The following SGCG variants were observed in gnomAD, a reference collection of about 807,000 sequenced individuals.
SGCG encodes sarcoglycan gamma.
Under a neutral mutation model 29.3 loss-of-function variants are expected in SGCG, and 26 were observed. The observed-to-expected ratio is 0.89, with a 90% CI of 0.65 to 1.23. The LOEUF is 1.23. Among genes scored for constraint, SGCG ranks in the 50% most tolerant of loss-of-function variants. The pLI is 0.00. For synonymous variants in SGCG, 145 were observed against 129.7 expected (o/e 1.12, Z -0.80); for missense variants, 353 against 356.0 (o/e 0.99, Z 0.07).
intron 2 of SGCG, chr13:23,217,322 C>T (rs1345628635): frequency 6.6e-6 from 1 of 151,998 alleles, no homozygotes; most frequent in Non-Finnish European, 1.5e-5. Flanking sequence ...GTTTTAGAAC[C>T]CAACATTTCC....
intron 2 of SGCG, among the ~76,000 whole-genome samples, chr13:23,216,811 G>A (rs1291494691): frequency 6.6e-6 from 1 of 152,076 alleles, no homozygotes; most frequent in East Asian, 1.9e-4. Flanking sequence ...AAATGATGTG[G>A]ACTAATTGAT....
chr13:23,268,362 G>T (rs1880725568), intron 4 of SGCG: 1 of 152,162 alleles, frequency 6.6e-6, no homozygotes, highest in African/African-American at 2.4e-5. Flanking sequence ...GCCCAGTGAG[G>T]AATACACAAA....
intron 2 of SGCG, among the ~76,000 whole-genome samples, chr13:23,214,281 T>A (rs1046115650): frequency 6.6e-6 from 1 of 152,180 alleles, no homozygotes; most frequent in African/African-American, 2.4e-5. Flanking sequence ...ATCAGAGAGA[T>A]TAATTTGAGA....
chr13:23,320,615 G>GCTTTTTTTTC, intron 6 of SGCG, 22 bp from the exon 7 acceptor site: 9 of 710,898 alleles, frequency 1.3e-5, no homozygotes, highest in African/African-American at 4.0e-5. Flanking sequence ...TTTTTTTTTT[G>GCTTTTTTTTC]TGCTTCTTTT....
intron 5 of SGCG, among the ~76,000 whole-genome samples, chr13:23,287,466 A>G (rs1466344696): frequency 6.6e-6 from 1 of 152,172 alleles, no homozygotes; most frequent in East Asian, 1.9e-4. Context: ...GGGCTTCCAG[A>G]CGAGAGCCCT....
At chr13:23,193,595 G>T (rs1446097699) in intron 1 of SGCG, among the ~76,000 whole-genome samples, 3 of 152,180 alleles carry the variant, frequency 2.0e-5, no homozygotes, top group Non-Finnish European at 4.4e-5. Flanking sequence ...CATGGACTGA[G>T]ATGGGAATAG....
Position 23,203,908 on chromosome 13 carries a change from T to C in SGCG, c.195+19T>C, listed in dbSNP as rs980023596. ...TTCTCCAGTAAGTATCATTATTTTC[T>C]GGTAAGCATGTTCTTGTTTTGTTCA... On this transcript the variant is annotated intron_variant, in intron 2 of 7. Coordinates refer to ENST00000218867, the MANE Select transcript of SGCG (RefSeq NM_000231.3). 1 of 1,535,334 alleles carries C rather than the reference T, an allele frequency of 6.5e-7. No individual in the cohort carries two copies. The highest frequency in any genetic ancestry group is 1.4e-5 in the African/African-American group (1 of 73,458).
At chr13:23,179,972 C>T (rs746438170), upstream of SGCG, among the ~76,000 whole-genome samples, 9 of 152,018 alleles carry the variant, frequency 5.9e-5, no homozygotes, top group Non-Finnish European at 7.4e-5. Flanking sequence ...ATAATTTCAT[C>T]GCCCAGGTAG....
chr13:23,234,631 T>A lies in SGCG; in HGVS notation c.216T>A (p.Cys72Ter). 4 of 1,612,100 alleles carry A rather than the reference T, an allele frequency of 2.5e-6. No homozygotes were observed. The highest frequency in any genetic ancestry group is 3.4e-6 in the Non-Finnish European group (4 of 1,178,514). Reference sequence around the variant, plus strand: ...AACAGGCAGGAATGGGCCACTTGTGTGTAACAAAAGATGGACTGCGCTTGG... The same window carrying A: ...AACAGGCAGGAATGGGCCACTTGTGAGTAACAAAAGATGGACTGCGCTTGG... The part of the protein sequence containing the change: ...WFSPAGMGHL[C>*]VTKDGLRLEG... The change falls in exon 3 of 8, where the codon TGT becomes TGA. Residue 72 changes from cysteine to a stop codon, truncating the protein, a stop_gained. Coordinates refer to ENST00000218867, the MANE Select transcript of SGCG (RefSeq NM_000231.3). LOFTEE classifies it high-confidence loss of function.
At chr13:23,322,289 C>G (rs910583674) in intron 7 of SGCG, among the ~76,000 whole-genome samples, 1 of 152,194 alleles carries the variant, frequency 6.6e-6, no homozygotes, top group Middle Eastern at 3.2e-3. Flanking sequence ...AGCCATGGAA[C>G]AGGACATAGG....
At chr13:23,189,547 T>C (rs537110776) in intron 1 of SGCG, among the ~76,000 whole-genome samples, 1 of 152,336 alleles carries the variant, frequency 6.6e-6, no homozygotes, top group South Asian at 2.1e-4. Flanking sequence ...ATGACCAACA[T>C]GTAGTCCTGT....
At chr13:23,174,114 A>T in the SGCG span, among the ~76,000 whole-genome samples, 1 of 152,194 alleles carries the variant, frequency 6.6e-6, no homozygotes, top group African/African-American at 2.4e-5. Context: ...CTTTCTGAAT[A>T]ATTATTGAGG....
chr13:23,310,278 G>T (rs1019184090), intron 6 of SGCG, among the ~76,000 whole-genome samples: 5 of 151,666 alleles, frequency 3.3e-5, no homozygotes, highest in Admixed American at 6.6e-5. Flanking sequence ...AGTAGAGACG[G>T]GGTTTCACCC....
At chr13:23,299,425 TATATATATATATATATA>T (rs1882038471) in intron 6 of SGCG, among the ~76,000 whole-genome samples, 5 of 6,114 alleles carry the variant, frequency 8.2e-4, no homozygotes, top group Non-Finnish European at 2.0e-3. Flanking sequence ...TATATATATA[TATATATATATATATATA>T]TATATATATA....
chr13:23,270,301 C>T (rs534617188), intron 4 of SGCG, among the ~76,000 whole-genome samples: 6 of 152,296 alleles, frequency 3.9e-5, no homozygotes, highest in Non-Finnish European at 8.8e-5. Context: ...TTTAGATTCC[C>T]AGCGGCGGTG....
At chr13:23,286,513 G>A (rs1325817646) in intron 5 of SGCG, among the ~76,000 whole-genome samples, 1 of 152,186 alleles carries the variant, frequency 6.6e-6, no homozygotes, top group African/African-American at 2.4e-5. Flanking sequence ...TATTACAGTT[G>A]TTCCTCATTA....
At chr13:23,261,763 A>T (rs185656270) in intron 4 of SGCG, among the ~76,000 whole-genome samples, 1 of 152,178 alleles carries the variant, frequency 6.6e-6, no homozygotes, top group Non-Finnish European at 1.5e-5. Flanking sequence ...AGACAAAAGG[A>T]TCAGGTAACC....
intron 4 of SGCG, among the ~76,000 whole-genome samples, chr13:23,276,195 C>T (rs974180343): frequency 1.1e-4 from 17 of 151,632 alleles, no homozygotes; most frequent in African/African-American, 3.1e-4. Context: ...AAAAAAAAAC[C>T]GCTAGAATAT....
Position 23,320,755 on chromosome 13 carries a change from G to GGAAT in SGCG, c.699_702dup (p.Leu235AsnfsTer5). On this transcript the variant is annotated frameshift_variant, in exon 7 of 8. Coordinates refer to ENST00000218867, the MANE Select transcript of SGCG (RefSeq NM_000231.3). LOFTEE classifies it low-confidence loss of function (END_TRUNC). ...GGATATTCTTTTTCATAGTAGTGATGGAATGGTGAGTTCATTCACAGATCA... is the reference window on the plus strand; with the variant it reads ...GGATATTCTTTTTCATAGTAGTGATGGAATGAATGGTGAGTTCATTCACAGATCA... 6.2e-7 allele frequency: 1 copy of GGAAT among 1,613,424 alleles called. No individual in the cohort carries two copies. Among genetic ancestry groups the GGAAT allele is most frequent in the African/African-American group, 1.3e-5 (1 of 75,008 alleles).
Sources: gnomAD v4.1 joint callset for allele counts (sites outside exome capture counted in the v4.1 genomes callset) on GRCh38, gnomAD v4.1.1 for gene constraint, MANE v1.5 for transcripts, NCBI Gene and HGNC (gene_info 2026-07-23, HGNC 2026-07-21) for gene names.